Variants in CNGA3 observed in about 807,000 individuals in gnomAD.
CNGA3 encodes the protein cyclic nucleotide-gated channel alpha-3.
In CNGA3, 42 loss-of-function variants were observed where a neutral mutation model predicts 46.6. That is an observed-to-expected ratio of 0.90 (90% confidence interval 0.70 to 1.17). CNGA3 has a LOEUF of 1.17. Among genes scored for constraint, CNGA3 ranks in the 50% most tolerant of loss-of-function variants. The pLI is 0.00. For synonymous variants in CNGA3, 394 were observed against 369.4 expected (o/e 1.07, Z -0.76); for missense variants, 893 against 890.7 (o/e 1.00, Z -0.03).
Position 98,377,684 on chromosome 2 carries a change from T to C in CNGA3, c.102-3T>C, listed in dbSNP as rs1175437818. 2 of 1,612,574 alleles carry C rather than the reference T, an allele frequency of 1.2e-6. No individual in the cohort carries two copies. The highest frequency in any genetic ancestry group is 2.7e-5 in the African/African-American group (2 of 75,018). Reference sequence around the variant, plus strand: ...TCTGCTTGCTGCATATCTGATTTCCTAGAGCCCACTCGTCAAGTGAGGAGA... The same window carrying C: ...TCTGCTTGCTGCATATCTGATTTCCCAGAGCCCACTCGTCAAGTGAGGAGA... On this transcript the variant is annotated splice_polypyrimidine_tract_variant and splice_region_variant and intron_variant, in intron 2 of 7. Transcript: ENST00000272602.
At chr2:98,385,362 A>G (rs868011532) in intron 5 of CNGA3, among the ~76,000 whole-genome samples, 13 of 152,210 alleles carry the variant, frequency 8.5e-5, no homozygotes, top group African/African-American at 3.1e-4. Flanking sequence ...TTTTCATTTA[A>G]TGATTTTAAT....
chr2:98,362,499 G>A (rs6726907), intron 1 of CNGA3, among the ~76,000 whole-genome samples: 7 of 148,918 alleles, frequency 4.7e-5, no homozygotes, highest in African/African-American at 1.7e-4. Flanking sequence ...TTTTAATGTT[G>A]TTTTTTTTTT....
chr2:98,378,992 G>A (rs775282995), intron 3 of CNGA3, among the ~76,000 whole-genome samples: 4 of 152,230 alleles, frequency 2.6e-5, no homozygotes, highest in Admixed American at 1.3e-4. Context: ...CCCTGTCTTC[G>A]AGTGGCTCTC....
intron 2 of CNGA3, among the ~76,000 whole-genome samples, chr2:98,373,630 T>C (rs1692338156): frequency 1.3e-5 from 2 of 152,174 alleles, no homozygotes; most frequent in African/African-American, 4.8e-5. Flanking sequence ...GAAAACATTT[T>C]ACACCCTGAA....
chr2:98,389,600 C>A, intron 5 of CNGA3, 58 bp from the exon 6 acceptor site: 1 of 1,496,100 alleles, frequency 6.7e-7, no homozygotes, highest in Non-Finnish European at 9.3e-7. Context: ...TCTCTAAAAC[C>A]CTCCAAAGCT....
At chr2:98,393,624 G>A (rs1406027859) in intron 7 of CNGA3, among the ~76,000 whole-genome samples, 1 of 152,136 alleles carries the variant, frequency 6.6e-6, no homozygotes, top group Admixed American at 6.5e-5. Flanking sequence ...ACAGACACAC[G>A]AGCTCTGTAA....
rs1205738469 is a variant in CNGA3, at chr2:98,398,327, G to T, written c.*1072G>T. ...ATAATTTCATTAACATTTTATAACA[G>T]ATTTATATTTTTGAGTTCCGTGATT... is the stretch of plus-strand genomic sequence containing the variant. On this transcript the variant is annotated 3_prime_UTR_variant, in exon 8 of 8. Coordinates refer to ENST00000272602, the MANE Select transcript of CNGA3 (RefSeq NM_001298.3). The T allele has an allele frequency of 6.6e-6, 1 of 152,048 alleles. No homozygotes were observed. The highest frequency in any genetic ancestry group is 2.4e-5 in the African/African-American group (1 of 41,392). 9.4% of individuals were successfully genotyped at this position (152,048 alleles called of 1,614,324 possible).
chr2:98,386,547 G>A (rs1163954747), intron 5 of CNGA3, among the ~76,000 whole-genome samples: 2 of 152,262 alleles, frequency 1.3e-5, no homozygotes, highest in Non-Finnish European at 2.9e-5. Flanking sequence ...CCCAAGCCAT[G>A]TGGAACTGAG....
In CNGA3 at chr2:98,396,513, A is replaced by G. The variant is rs190014426; in HGVS notation, c.1343A>G (p.Lys448Arg). Residue 448 changes from lysine (K) to arginine (R), a missense_variant, in exon 8 of 8, where the codon AAG becomes AGG. Physicochemically the swap from Lys to Arg is conservative, Grantham distance 26. Around this residue, in one of 3 missense-constraint regions of CNGA3, gnomAD observed 548 missense variants for 570.8 expected, o/e 0.96. Transcript: ENST00000272602. ...TGGTTTGACTACCTGTGGGCCAACA[A>G]GAAGACGGTGGATGAGAAGGAGGTG... is the stretch of plus-strand genomic sequence containing the variant. Reference protein sequence around the residue: ...IRWFDYLWANKKTVDEKEVLK... With the variant: ...IRWFDYLWANRKTVDEKEVLK... 1.9e-4 allele frequency: 310 copies of G among 1,614,046 alleles called. No homozygotes were observed. The highest frequency in any genetic ancestry group is 8.1e-4 in the African/African-American group (61 of 75,012).
chr2:98,354,838 C>T (rs1574358308), intron 1 of CNGA3, among the ~76,000 whole-genome samples: 1 of 152,116 alleles, frequency 6.6e-6, no homozygotes, highest in South Asian at 2.1e-4. Flanking sequence ...TGCTTTTTTA[C>T]TTTGTTGATG....
At chr2:98,357,894 G>T (rs1691922687) in intron 1 of CNGA3, among the ~76,000 whole-genome samples, 1 of 152,344 alleles carries the variant, frequency 6.6e-6, no homozygotes, top group Non-Finnish European at 1.5e-5. Context: ...CCAATCTCCT[G>T]CAGTGCCTGT....
intron 5 of CNGA3, among the ~76,000 whole-genome samples, chr2:98,387,148 T>G (rs1299173005): frequency 6.6e-6 from 1 of 152,220 alleles, no homozygotes; most frequent in Non-Finnish European, 1.5e-5. Flanking sequence ...CGTCACTAGC[T>G]CTTCTGAAAC....
intron 2 of CNGA3, among the ~76,000 whole-genome samples, chr2:98,372,771 G>A (rs1692316314): frequency 6.6e-6 from 1 of 152,112 alleles, no homozygotes; most frequent in Admixed American, 6.6e-5. Context: ...TCCCGGTCTT[G>A]GAAATGATTA....
rs775332304 is a variant in CNGA3 at position 98,396,767 on chromosome 2, G to C, written c.1597G>C (p.Asp533His). The C allele has an allele frequency of 1.2e-6, 2 of 1,614,232 alleles. No individual in the cohort carries two copies. Among genetic ancestry groups the C allele is most frequent in the Admixed American group, 1.7e-5 (1 of 60,036 alleles). The change falls in exon 8 of 8, where the codon GAT becomes CAT. Residue 533 changes from aspartate (D) to histidine (H), a missense_variant. By Grantham distance (81) the Asp-to-His change is moderately conservative. This residue lies in a region of CNGA3 where 548 missense variants were observed against 570.8 expected (regional missense o/e 0.96). Transcript: ENST00000272602. ...GGGCAAGCTGGCCGTGGTGGCTGAT[G>C]ATGGGGTCACCCAGTTCGTGGTCCT... Reference protein sequence around the residue: ...NEGKLAVVADDGVTQFVVLSD... With the variant: ...NEGKLAVVADHGVTQFVVLSD...
rs778681224 is a variant in CNGA3, at chr2:98,396,653, G to C, written c.1483G>C (p.Val495Leu). Residue 495 changes from valine to leucine, a missense_variant, in exon 8 of 8, where the codon GTG becomes CTG. Transcript: ENST00000272602. The part of the protein sequence containing the change: ...DCEAGLLVEL[V>L]LKLRPTVFSP... ...TGAGGCAGGGCTGCTGGTGGAGCTG[G>C]TGCTGAAGCTGCGACCCACTGTGTT... is the stretch of plus-strand genomic sequence containing the variant. The C allele has an allele frequency of 1.9e-6, 3 of 1,614,136 alleles. No individual in the cohort carries two copies. The highest frequency in any genetic ancestry group is 4.5e-5 in the East Asian group (2 of 44,872).
intron 5 of CNGA3, among the ~76,000 whole-genome samples, chr2:98,387,519 G>A (rs1249324616): frequency 6.6e-6 from 1 of 152,162 alleles, no homozygotes. Flanking sequence ...GTATTCATTA[G>A]ATAACTTTAT....
At chr2:98,382,781 G>T (rs1471954259) in intron 4 of CNGA3, among the ~76,000 whole-genome samples, 1 of 152,214 alleles carries the variant, frequency 6.6e-6, no homozygotes. Flanking sequence ...TTCTCACATA[G>T]ATCAGGGGTG....
At chr2:98,347,564 G>A (rs1483557027) in intron 1 of CNGA3, among the ~76,000 whole-genome samples, 1 of 152,230 alleles carries the variant, frequency 6.6e-6, no homozygotes, top group Non-Finnish European at 1.5e-5. Flanking sequence ...GGCGCGTGAG[G>A]GAGGATGAAT....
intron 1 of CNGA3, among the ~76,000 whole-genome samples, chr2:98,352,944 C>A (rs929003074): frequency 6.6e-6 from 1 of 152,090 alleles, no homozygotes; most frequent in Non-Finnish European, 1.5e-5. Context: ...GTGCTGATCC[C>A]CTATGCAGTC....
Sources: allele counts gnomAD v4.1 joint callset (sites outside exome capture counted in the v4.1 genomes callset), GRCh38; gene constraint gnomAD v4.1.1; regional missense constraint gnomAD v4.1.1; transcripts MANE v1.5; gene names NCBI Gene and HGNC (gene_info 2026-07-23, HGNC 2026-07-21).